Variants in ZPBP observed in about 807,000 individuals in gnomAD.
The protein encoded by ZPBP is zona pellucida-binding protein 1.
A neutral mutation model predicts 44.8 loss-of-function variants in ZPBP; 26 were observed. The observed-to-expected ratio is 0.58, with a 90% CI of 0.43 to 0.81. The LOEUF is 0.81. ZPBP is among the 30% of genes least tolerant of loss of function. ZPBP has a pLI of 0.00. For missense variants in ZPBP, 409 were observed against 434.0 expected (o/e 0.94, Z 0.51); for synonymous variants, 174 against 153.2 (o/e 1.14, Z -1.00).
intron 7 of ZPBP, among the ~76,000 whole-genome samples, chr7:49,981,472 T>A (rs1796927414): frequency 1.4e-5 from 1 of 69,522 alleles, no homozygotes; most frequent in Admixed American, 2.6e-4. Flanking sequence ...TATATATAAT[T>A]ATATATAATA....
At chr7:50,048,904 T>A (rs1242563845) in intron 4 of ZPBP, among the ~76,000 whole-genome samples, 1 of 151,870 alleles carries the variant, frequency 6.6e-6, no homozygotes, top group East Asian at 1.9e-4. Flanking sequence ...ACCAGTTTTT[T>A]AAGAAATCAA....
At chr7:49,927,178 A>G (rs1004524586) in intron 1 of ZPBP, among the ~76,000 whole-genome samples, 2 of 152,144 alleles carry the variant, frequency 1.3e-5, no homozygotes, top group African/African-American at 4.8e-5. Flanking sequence ...GATCTCCCCA[A>G]CTCTGTTGTG....
At chr7:50,090,662 CAT>C (rs199655218) in intron 1 of ZPBP, among the ~76,000 whole-genome samples, 13 of 150,594 alleles carry the variant, frequency 8.6e-5, no homozygotes, top group Non-Finnish European at 1.5e-4. Flanking sequence ...CACACACACA[CAT>C]ATATATATAC....
rs779492696 is a variant in ZPBP at position 50,093,080 on chromosome 7, C to T, written c.115G>A (p.Val39Met). 4 of 1,600,818 alleles carry T rather than the reference C, an allele frequency of 2.5e-6. No homozygotes were observed. In the South Asian group the frequency reaches 4.5e-5, roughly 18 times the overall value. Residue 39 changes from valine (V) to methionine (M), a missense_variant, in exon 1 of 8, where the codon GTG (valine) becomes ATG (methionine). By Grantham distance (21) the Val-to-Met change is conservative (BLOSUM62 1). Coordinates refer to ENST00000046087, the MANE Select transcript of ZPBP (RefSeq NM_007009.3). ...CGCGGACCCTCACCTGATGAGGGCACCCGCACCAGGAAGGCGGAGATAAAG... is the reference window on the plus strand; with the variant it reads ...CGCGGACCCTCACCTGATGAGGGCATCCGCACCAGGAAGGCGGAGATAAAG... ...LLFISAFLVR[V>M]PSSVGHLVRL... is the part of the protein sequence containing the mutation.
intron 1 of ZPBP, among the ~76,000 whole-genome samples, chr7:49,926,950 C>G (rs529601726): frequency 6.6e-6 from 1 of 152,284 alleles, no homozygotes; most frequent in African/African-American, 2.4e-5. Flanking sequence ...CTGCTGTGCT[C>G]AGTCTAGAAG....
intron 2 of ZPBP, among the ~76,000 whole-genome samples, chr7:49,863,587 A>G (rs140399753): frequency 2.4e-4 from 36 of 152,196 alleles, no homozygotes; most frequent in African/African-American, 8.4e-4. Flanking sequence ...GTGCACCACC[A>G]TGCCCAGATA....
chr7:50,060,230 C>G (rs1454250335), intron 3 of ZPBP, among the ~76,000 whole-genome samples: 1 of 152,090 alleles, frequency 6.6e-6, no homozygotes, highest in Non-Finnish European at 1.5e-5. Context: ...GACTCCACTG[C>G]ATGGAACCCA....
At chr7:50,056,967 T>C (rs1038368451) in intron 4 of ZPBP, among the ~76,000 whole-genome samples, 5 of 151,856 alleles carry the variant, frequency 3.3e-5, no homozygotes, top group East Asian at 3.9e-4. Context: ...GGGCAGATCA[T>C]GAGGTCAGGA....
intron 2 of ZPBP, among the ~76,000 whole-genome samples, chr7:49,858,907 C>T (rs1288193486): frequency 6.6e-6 from 1 of 152,148 alleles, no homozygotes; most frequent in African/African-American, 2.4e-5. Context: ...AGAGATTCAT[C>T]CACATTGACA....
chr7:50,084,384 C>T (rs957714798), intron 2 of ZPBP, among the ~76,000 whole-genome samples: 1 of 148,190 alleles, frequency 6.7e-6, no homozygotes, highest in African/African-American at 2.5e-5. Context: ...GTATTTATTA[C>T]ATACACCAAA....
chr7:49,865,997 T>C (rs1790869052), intron 2 of ZPBP, among the ~76,000 whole-genome samples: 1 of 152,242 alleles, frequency 6.6e-6, no homozygotes, highest in South Asian at 2.1e-4. Context: ...TTTACAGCCA[T>C]ACCTTGCTTT....
chr7:50,060,157 C>T (rs554852735), intron 3 of ZPBP, among the ~76,000 whole-genome samples: 1 of 152,052 alleles, frequency 6.6e-6, no homozygotes, highest in African/African-American at 2.4e-5. Flanking sequence ...ATCCTAGCTA[C>T]AGGAGAACCC....
At chr7:49,973,289 C>A (rs1796374096) in intron 7 of ZPBP, among the ~76,000 whole-genome samples, 1 of 150,342 alleles carries the variant, frequency 6.7e-6, no homozygotes, top group Non-Finnish European at 1.5e-5. Context: ...CTGAATTTGG[C>A]AATTACTGCT....
intron 5 of ZPBP, among the ~76,000 whole-genome samples, chr7:50,021,438 A>G (rs548504786): frequency 2.6e-5 from 4 of 152,214 alleles, no homozygotes; most frequent in African/African-American, 9.6e-5. Context: ...CAAAAGAAAG[A>G]ATTAGTGAAC....
intron 2 of ZPBP, among the ~76,000 whole-genome samples, chr7:49,900,233 T>G (rs1231680240): frequency 6.6e-6 from 1 of 151,668 alleles, no homozygotes; most frequent in Non-Finnish European, 1.5e-5. Flanking sequence ...AGAAGAAATC[T>G]AAAACCAATA....
chr7:50,069,407 C>T (rs930174887), intron 3 of ZPBP, among the ~76,000 whole-genome samples: 20 of 152,230 alleles, frequency 1.3e-4, no homozygotes, highest in African/African-American at 3.9e-4. Context: ...TTTCTCTTGG[C>T]GTGAGCTGCA....
intron 1 of ZPBP, among the ~76,000 whole-genome samples, chr7:50,090,411 G>A (rs1802892942): frequency 6.6e-6 from 1 of 151,792 alleles, no homozygotes; most frequent in South Asian, 2.1e-4. Context: ...CATCCAGGTT[G>A]CTGCAAGTGC....
At chr7:50,007,427 C>A (rs1003229278) in intron 6 of ZPBP, among the ~76,000 whole-genome samples, 1 of 151,932 alleles carries the variant, frequency 6.6e-6, no homozygotes, top group African/African-American at 2.4e-5. Flanking sequence ...AGCCCAGAAC[C>A]AGATGGCTTT....
intron 4 of ZPBP, among the ~76,000 whole-genome samples, chr7:50,046,694 G>A (rs1273643234): frequency 6.6e-6 from 1 of 152,180 alleles, no homozygotes; most frequent in South Asian, 2.1e-4. Context: ...TACACTGTTG[G>A]TGGGAGTGTA....
Sources: allele counts gnomAD v4.1 joint callset (sites outside exome capture counted in the v4.1 genomes callset), GRCh38; gene constraint gnomAD v4.1.1; transcripts MANE v1.5; gene names NCBI Gene and HGNC (gene_info 2026-07-23, HGNC 2026-07-21).